The following NAV3 variants were observed in gnomAD, a reference collection of about 807,000 sequenced individuals.
The protein encoded by NAV3 is pore membrane and/or filament interacting like protein 1.
NAV3 carries 87 observed loss-of-function variants against 244.7 expected under a neutral mutation model. The ratio of observed to expected loss-of-function variants is 0.36; its 90% CI spans 0.30 to 0.42. The LOEUF (loss-of-function observed/expected upper bound fraction) is 0.42, where lower values mean the gene tolerates loss of function less well. Ranked by LOEUF, NAV3 falls within the 20% of genes least tolerant of loss-of-function variation. The pLI, the probability that NAV3 is intolerant of heterozygous loss-of-function variation, is 1.00. For missense variants in NAV3, 2,663 were observed against 2,893.3 expected, an observed-to-expected ratio of 0.92 and a Z score of 1.83; for synonymous variants, 1,126 against 1,042.2, an observed-to-expected ratio of 1.08 and a Z score of -1.55.
At chr12:77,634,234 G>A (rs750100376) in intron 2 of NAV3, among the ~76,000 whole-genome samples, 4 of 151,922 alleles carry the variant, frequency 2.6e-5, no homozygotes, top group Non-Finnish European at 5.9e-5. Context: ...GTAAACAGTG[G>A]CTCTTTTAAT....
chr12:77,627,443 A>T (rs895353603), intron 2 of NAV3, among the ~76,000 whole-genome samples: 3 of 152,170 alleles, frequency 2.0e-5, no homozygotes. Context: ...AATTGATAGT[A>T]CAGAAATACA....
At chr12:77,820,749 C>T (rs577707952) in intron 2 of NAV3, among the ~76,000 whole-genome samples, 4 of 152,212 alleles carry the variant, frequency 2.6e-5, no homozygotes, top group African/African-American at 9.6e-5. Context: ...CTCTGCATCA[C>T]TGGTTTTGTT....
At chr12:77,604,416 G>A (rs1870578255) in intron 2 of NAV3, among the ~76,000 whole-genome samples, 1 of 151,992 alleles carries the variant, frequency 6.6e-6, no homozygotes, top group South Asian at 2.1e-4. Context: ...TCAGAAAGAT[G>A]AAGAACATTT....
intron 2 of NAV3, among the ~76,000 whole-genome samples, chr12:77,680,960 G>A (rs75393201): frequency 0.037 from 5,654 of 152,172 alleles, 175 homozygotes; most frequent in Middle Eastern, 0.037. Context: ...TGACTGTGAT[G>A]ATGAGATCCG....
chr12:78,148,993 C>G, intron 22 of NAV3, 74 bp downstream of exon 22: 2 of 1,303,578 alleles, frequency 1.5e-6, no homozygotes, highest in Non-Finnish European at 2.2e-6. Context: ...TAGTAACAAA[C>G]TTACAAATTT....
At chr12:77,966,403 A>G in intron 4 of NAV3, 102 bp downstream of exon 4, 1 of 933,494 alleles carries the variant, frequency 1.1e-6, no homozygotes, top group Non-Finnish European at 1.6e-6. Flanking sequence ...TCTCCTTAAT[A>G]TGATAAAGGA....
At chr12:77,840,551 G>T (rs1314613485) in intron 1 of NAV3, among the ~76,000 whole-genome samples, 1 of 152,136 alleles carries the variant, frequency 6.6e-6, no homozygotes, top group Non-Finnish European at 1.5e-5. Context: ...TTAATCATCA[G>T]CAATCCAAAA....
At chr12:77,754,408 G>A (rs895519426) in intron 2 of NAV3, among the ~76,000 whole-genome samples, 1 of 152,102 alleles carries the variant, frequency 6.6e-6, no homozygotes, top group African/African-American at 2.4e-5. Flanking sequence ...CACAAGCTAT[G>A]GCTATTACCA....
intron 2 of NAV3, among the ~76,000 whole-genome samples, chr12:77,708,751 A>G (rs1875958535): frequency 6.6e-6 from 1 of 152,108 alleles, no homozygotes; most frequent in African/African-American, 2.4e-5. Flanking sequence ...AGTGGTTTGT[A>G]GTTCTCCTTG....
At chr12:77,858,313 A>G (rs1272990471) in intron 1 of NAV3, among the ~76,000 whole-genome samples, 1 of 152,026 alleles carries the variant, frequency 6.6e-6, no homozygotes, top group Admixed American at 6.6e-5. Context: ...GTTTAAGCGG[A>G]ATTGGGTTCC....
At chr12:78,101,473 T>G (rs1033464701) in intron 12 of NAV3, among the ~76,000 whole-genome samples, 4 of 152,168 alleles carry the variant, frequency 2.6e-5, no homozygotes, top group Non-Finnish European at 2.9e-5. Flanking sequence ...TAAAAATCAT[T>G]ACATATACAT....
intron 9 of NAV3, among the ~76,000 whole-genome samples, chr12:78,033,530 T>A (rs12299987): frequency 0.029 from 4,474 of 152,056 alleles, 232 homozygotes; most frequent in African/African-American, 0.098. Context: ...ATAAAAACAT[T>A]CATATATGAA....
At chr12:78,028,372 G>A (rs1878428393) in intron 9 of NAV3, among the ~76,000 whole-genome samples, 2 of 152,162 alleles carry the variant, frequency 1.3e-5, no homozygotes, top group African/African-American at 4.8e-5. Context: ...GATTTGTGGT[G>A]ATAAATAGTG....
chr12:78,026,988 T>C (rs1372677145), intron 9 of NAV3, among the ~76,000 whole-genome samples: 2 of 152,002 alleles, frequency 1.3e-5, no homozygotes, highest in Non-Finnish European at 2.9e-5. Flanking sequence ...ACTGAAGGGG[T>C]TGATATAAAT....
chr12:77,706,364 G>T (rs377045287), intron 2 of NAV3, among the ~76,000 whole-genome samples: 1 of 151,272 alleles, frequency 6.6e-6, no homozygotes, highest in African/African-American at 2.5e-5. Context: ...TGAGATACTT[G>T]TCTCTTTTCC....
chr12:77,753,895 C>A (rs150465147), intron 2 of NAV3, among the ~76,000 whole-genome samples: 1,624 of 152,220 alleles, frequency 0.011, 31 homozygotes, highest in African/African-American at 0.037. Context: ...TCATTCTACT[C>A]ATGGTTTACT....
chr12:78,133,292 G>A (rs550258519), intron 18 of NAV3, among the ~76,000 whole-genome samples: 3 of 152,052 alleles, frequency 2.0e-5, no homozygotes, highest in African/African-American at 7.2e-5. Context: ...TATTTAAAGA[G>A]TTTTTATTGT....
intron 2 of NAV3, among the ~76,000 whole-genome samples, chr12:77,775,440 T>A (rs1369286012): frequency 6.6e-6 from 1 of 151,796 alleles, no homozygotes; most frequent in Admixed American, 6.6e-5. Flanking sequence ...CTCTTTAAGC[T>A]GTATCTTGCA....
intron 2 of NAV3, among the ~76,000 whole-genome samples, chr12:77,585,826 C>A (rs1249883813): frequency 6.6e-6 from 1 of 152,122 alleles, no homozygotes; most frequent in Non-Finnish European, 1.5e-5. Context: ...TGTCAATAGG[C>A]TTTTCTGTCT....
Sources: gnomAD v4.1 joint callset for allele counts (sites outside exome capture counted in the v4.1 genomes callset) on GRCh38, gnomAD v4.1.1 for gene constraint, MANE v1.5 for transcripts, NCBI Gene and HGNC (gene_info 2026-07-23, HGNC 2026-07-21) for gene names.